The following CDH2 variants were observed in gnomAD, a reference collection of about 807,000 sequenced individuals.
The protein encoded by CDH2 is cadherin-2.
Under a neutral mutation model 92.0 loss-of-function variants are expected in CDH2, and 17 were observed. That is an observed-to-expected ratio of 0.18 (90% CI 0.13 to 0.28). The LOEUF (loss-of-function observed/expected upper bound fraction) is 0.28, where lower values mean the gene tolerates loss of function less well. CDH2 is among the 10% of genes least tolerant of loss of function. The pLI is 1.00. For synonymous variants in CDH2, 419 were observed against 415.9 expected, an observed-to-expected ratio of 1.01 and a Z score of -0.09; for missense variants, 862 against 1,133.1, an observed-to-expected ratio of 0.76 and a Z score of 3.44.
chr18:28,111,846 T>C (rs1164148620), intron 2 of CDH2, among the ~76,000 whole-genome samples: 1 of 152,188 alleles, frequency 6.6e-6, no homozygotes, highest in Non-Finnish European at 1.5e-5. Flanking sequence ...TGTTCTGAAC[T>C]GAATAAGAAT....
chr18:28,120,735 A>C (rs2015573833), intron 2 of CDH2, among the ~76,000 whole-genome samples: 1 of 152,116 alleles, frequency 6.6e-6, no homozygotes. Flanking sequence ...ATCCTATTCT[A>C]CATTGTAAAC....
chr18:28,167,163 C>A (rs2016397761), intron 1 of CDH2, among the ~76,000 whole-genome samples: 1 of 151,988 alleles, frequency 6.6e-6, no homozygotes, highest in Non-Finnish European at 1.5e-5. Flanking sequence ...AACTTCAGGT[C>A]AGAAAGATAT....
chr18:28,011,463 A>G (rs2013096561), intron 4 of CDH2, among the ~76,000 whole-genome samples: 1 of 152,136 alleles, frequency 6.6e-6, no homozygotes, highest in Non-Finnish European at 1.5e-5. Context: ...CTGTGGCCCA[A>G]AAACCATCTG....
chr18:28,048,431 C>T (rs948848801), intron 2 of CDH2, among the ~76,000 whole-genome samples: 2 of 152,104 alleles, frequency 1.3e-5, no homozygotes, highest in African/African-American at 4.8e-5. Context: ...AATGTGTATA[C>T]AGAAACAACT....
At chr18:27,938,714 AT>A (rs551203600) in intron 6 of CDH2, among the ~76,000 whole-genome samples, 8 of 151,896 alleles carry the variant, frequency 5.3e-5, no homozygotes, top group African/African-American at 1.9e-4. Flanking sequence ...AAACCTCTAC[AT>A]TTTTTTTAAA....
At chr18:28,088,712 A>AG (rs2014982485) in intron 2 of CDH2, among the ~76,000 whole-genome samples, 1 of 152,128 alleles carries the variant, frequency 6.6e-6, no homozygotes, top group Non-Finnish European at 1.5e-5. Context: ...AGGGTTCCTA[A>AG]GGGGGCGGGC....
In CDH2 at chr18:28,177,034, G is replaced by A. The variant is rs1358778776; in HGVS notation, c.-12C>T. 112 of 1,487,726 alleles carry A rather than the reference G, an allele frequency of 7.5e-5. No individual in the cohort carries two copies. Among genetic ancestry groups the A allele is most frequent in the Non-Finnish European group, 9.0e-5 (101 of 1,122,558 alleles). The allele number at this position is 1,487,726 out of a possible 1,614,324, so 92.2% of individuals were successfully genotyped here. On this transcript the variant is annotated 5_prime_UTR_variant, in exon 1 of 16. Transcript: ENST00000269141. ...GCTATCCGGCACATGGAGGCGGAGA[G>A]GGGCCGAGCGAAGAGCCGGAGGAGG...
chr18:27,955,072 T>C (rs17445552), intron 15 of CDH2, among the ~76,000 whole-genome samples: 11 of 152,240 alleles, frequency 7.2e-5, no homozygotes, highest in African/African-American at 1.4e-4. Flanking sequence ...ATTATGACAA[T>C]TGCTTTATAA....
At chr18:28,079,004 C>A (rs1262335257) in intron 2 of CDH2, among the ~76,000 whole-genome samples, 1 of 152,146 alleles carries the variant, frequency 6.6e-6, no homozygotes, top group Non-Finnish European at 1.5e-5. Context: ...TACTAATGGG[C>A]TGTTGGTTCC....
In CDH2 at chr18:27,985,053, C is replaced by T; in HGVS notation, c.2156G>A (p.Gly719Glu). 1 of 1,614,034 alleles carries T rather than the reference C, an allele frequency of 6.2e-7. No individual in the cohort carries two copies. Among genetic ancestry groups the T allele is most frequent in the Non-Finnish European group, 8.5e-7 (1 of 1,179,936 alleles). Residue 719 changes from glycine to glutamate, a missense_variant, in exon 13 of 16, where the codon GGG becomes GAG. Gly to Glu is a moderately conservative substitution (Grantham distance 98). Coordinates refer to ENST00000269141, the MANE Select transcript of CDH2 (RefSeq NM_001792.5). Reference sequence around the variant, plus strand: ...GGCAATGATGGCACCGGTGCCAAGCCCCGCACCCACAATCCTGTCCACATC... The same window carrying T: ...GGCAATGATGGCACCGGTGCCAAGCTCCGCACCCACAATCCTGTCCACATC... ...CTDVDRIVGAGLGTGAIIAIL... is the reference protein window; with the variant it reads ...CTDVDRIVGAELGTGAIIAIL...
intron 13 of CDH2, 33 bp downstream of exon 13, chr18:27,984,967 A>C (rs768713449): frequency 1.3e-6 from 2 of 1,527,276 alleles, no homozygotes; most frequent in South Asian, 1.1e-5. Flanking sequence ...AAGCCAAGAG[A>C]ACTGAAATCT....
chr18:27,936,768 CA>C (rs1909029560), intron 6 of CDH2, among the ~76,000 whole-genome samples: 1 of 152,084 alleles, frequency 6.6e-6, no homozygotes, highest in Non-Finnish European at 1.5e-5. Context: ...CTCCTGGGCT[CA>C]AGTGATCCTC....
intron 6 of CDH2, among the ~76,000 whole-genome samples, chr18:27,940,262 C>T (rs989535247): frequency 6.6e-6 from 1 of 152,160 alleles, no homozygotes; most frequent in Admixed American, 6.5e-5. Flanking sequence ...TCAGATGAGA[C>T]CCCAACAATA....
At chr18:27,957,417 T>C (rs980031525) in intron 15 of CDH2, among the ~76,000 whole-genome samples, 3 of 95,932 alleles carry the variant, frequency 3.1e-5, no homozygotes, top group African/African-American at 9.4e-5. Context: ...GCTCGGCTAA[T>C]TTTTGTTTTT....
chr18:28,140,749 A>G (rs957086792), intron 2 of CDH2, among the ~76,000 whole-genome samples: 5 of 151,540 alleles, frequency 3.3e-5, no homozygotes, highest in Non-Finnish European at 1.5e-5. Flanking sequence ...CACCTGTGAA[A>G]TGGGAGAAAA....
intron 2 of CDH2, among the ~76,000 whole-genome samples, chr18:28,136,730 CCAAA>C (rs1248914792): frequency 3.3e-5 from 5 of 152,068 alleles, no homozygotes; most frequent in Non-Finnish European, 4.4e-5. Flanking sequence ...GGTTGACTAT[CCAAA>C]CAGAGTGAAC....
chr18:28,133,507 G>A (rs972719562), intron 2 of CDH2, among the ~76,000 whole-genome samples: 2 of 150,484 alleles, frequency 1.3e-5, no homozygotes, highest in Non-Finnish European at 3.0e-5. Flanking sequence ...GCTTGAACCT[G>A]GGAGGCGGAG....
chr18:27,987,887 T>C (rs770464129), intron 11 of CDH2, among the ~76,000 whole-genome samples: 2 of 152,108 alleles, frequency 1.3e-5, no homozygotes. Context: ...GAGCTTGAAG[T>C]CTGAAACACA....
At chr18:27,972,908 A>G (rs1020198681) in intron 14 of CDH2, among the ~76,000 whole-genome samples, 15 of 152,198 alleles carry the variant, frequency 9.9e-5, no homozygotes, top group African/African-American at 3.6e-4. Context: ...GGACTCTAAG[A>G]CAAGATGTCT....
Sources: gnomAD v4.1 joint callset for allele counts (sites outside exome capture counted in the v4.1 genomes callset) on GRCh38, gnomAD v4.1.1 for gene constraint, MANE v1.5 for transcripts, NCBI Gene and HGNC (gene_info 2026-07-23, HGNC 2026-07-21) for gene names.